The following SND1 variants were observed in gnomAD, a reference collection of about 807,000 sequenced individuals.
The protein encoded by SND1 is staphylococcal nuclease and tudor domain containing 1.
SND1 carries 38 observed loss-of-function variants against 121.7 expected under a neutral mutation model. The ratio of observed to expected loss-of-function variants is 0.31; its 90% CI spans 0.24 to 0.41. The LOEUF is 0.41. Among genes scored for constraint, SND1 ranks in the 10% least tolerant of loss-of-function variants. SND1 has a pLI of 1.00. For synonymous variants in SND1, 401 were observed against 447.4 expected (o/e 0.90, Z 1.31); for missense variants, 868 against 1,184.6 (o/e 0.73, Z 3.92).
intron 1 of SND1, among the ~76,000 whole-genome samples, chr7:127,683,954 A>G (rs1484432631): frequency 6.6e-6 from 1 of 152,208 alleles, no homozygotes; most frequent in Admixed American, 6.5e-5. Flanking sequence ...CATACAAAGG[A>G]GTTTTGCACA....
At chr7:127,780,052 C>T (rs895824398) in intron 10 of SND1, among the ~76,000 whole-genome samples, 2 of 152,120 alleles carry the variant, frequency 1.3e-5, no homozygotes, top group South Asian at 2.1e-4. Context: ...AGGTTTGATT[C>T]GTTTTTGTAT....
chr7:127,781,717 T>C (rs955377758), intron 10 of SND1, among the ~76,000 whole-genome samples: 13 of 152,246 alleles, frequency 8.5e-5, no homozygotes, highest in African/African-American at 2.9e-4. Flanking sequence ...GATGCTTATA[T>C]ATTTGATAGA....
chr7:127,918,055 C>CTTTTTTTT (rs11375840), intron 14 of SND1, among the ~76,000 whole-genome samples: 156 of 141,886 alleles, frequency 1.1e-3, no homozygotes, highest in Middle Eastern at 3.6e-3. Flanking sequence ...TAGATTTTTT[C>CTTTTTTTT]TTTTTTTTTT....
At chr7:127,858,992 T>G (rs930165276) in intron 12 of SND1, among the ~76,000 whole-genome samples, 1 of 152,174 alleles carries the variant, frequency 6.6e-6, no homozygotes, top group Admixed American at 6.6e-5. Flanking sequence ...TGAAAATGAC[T>G]CTCTGGGGCT....
intron 15 of SND1, among the ~76,000 whole-genome samples, chr7:127,981,679 G>T (rs1333429841): frequency 1.3e-5 from 2 of 152,172 alleles, no homozygotes; most frequent in East Asian, 3.8e-4. Context: ...GAGATTGTGT[G>T]GTGTCTAAAG....
chr7:128,061,598 T>G (rs1046096339), intron 16 of SND1, among the ~76,000 whole-genome samples: 1 of 152,202 alleles, frequency 6.6e-6, no homozygotes, highest in Admixed American at 6.5e-5. Context: ...CTGCGGCACA[T>G]TAGAGCTCCA....
chr7:128,051,938 G>A (rs1300094553), intron 16 of SND1, among the ~76,000 whole-genome samples: 1 of 152,246 alleles, frequency 6.6e-6, no homozygotes, highest in Non-Finnish European at 1.5e-5. Context: ...TGGATCAGAT[G>A]TGTTTCCAAT....
At chr7:128,041,456 T>A (rs1204347719) in intron 16 of SND1, among the ~76,000 whole-genome samples, 1 of 152,112 alleles carries the variant, frequency 6.6e-6, no homozygotes, top group Non-Finnish European at 1.5e-5. Context: ...GACTTGAGCT[T>A]CTTCAGGAGT....
At chr7:127,985,238 C>G (rs1369844112) in intron 15 of SND1, among the ~76,000 whole-genome samples, 1 of 152,148 alleles carries the variant, frequency 6.6e-6, no homozygotes, top group Middle Eastern at 3.2e-3. Flanking sequence ...TGTTAAGCCC[C>G]GTGATTGAGT....
At chr7:127,871,633 C>G (rs1467894674) in intron 12 of SND1, among the ~76,000 whole-genome samples, 1 of 152,050 alleles carries the variant, frequency 6.6e-6, no homozygotes, top group African/African-American at 2.4e-5. Flanking sequence ...TGTATCTTAT[C>G]ACTGAAAATA....
chr7:128,003,851 T>G (rs938864810), intron 16 of SND1, among the ~76,000 whole-genome samples: 2 of 152,096 alleles, frequency 1.3e-5, no homozygotes, highest in Non-Finnish European at 2.9e-5. Flanking sequence ...ACAGCCAAGC[T>G]CCCTACCTCT....
Position 127,904,826 on chromosome 7 carries a change from C to G in SND1, c.1527+7C>G, listed in dbSNP as rs778702887. On this transcript the variant is annotated splice_region_variant and intron_variant, in intron 14 of 23. Coordinates refer to ENST00000354725, the MANE Select transcript of SND1 (RefSeq NM_014390.4). Reference sequence around the variant, plus strand: ...TGTTGCAGATATATCTGGGGTGAGTCGAGTCCCTGAATCAAGCTGTGTGGC... The same window carrying G: ...TGTTGCAGATATATCTGGGGTGAGTGGAGTCCCTGAATCAAGCTGTGTGGC... 3.2e-6 allele frequency: 5 copies of G among 1,582,860 alleles called. No homozygotes were observed. The highest frequency in any genetic ancestry group is 4.3e-6 in the Non-Finnish European group (5 of 1,151,834).
intron 15 of SND1, 101 bp from the exon 16 acceptor site, chr7:127,990,846 G>A (rs1227480796): frequency 5.6e-6 from 4 of 718,072 alleles, no homozygotes; most frequent in African/African-American, 1.8e-5. Context: ...GAAGTTAGAT[G>A]TAACGCCTGC....
At chr7:127,868,381 CCAA>C (rs1307390007) in intron 12 of SND1, among the ~76,000 whole-genome samples, 1 of 152,120 alleles carries the variant, frequency 6.6e-6, no homozygotes, top group African/African-American at 2.4e-5. Flanking sequence ...CCAGACACTG[CCAA>C]CAACAACAAA....
rs763519148 is a variant in SND1 at position 128,089,522 on chromosome 7, G to A, written c.2452G>A (p.Val818Ile). The change falls in exon 22 of 24, where the codon GTT (valine) becomes ATT (isoleucine). Residue 818 changes from valine (V) to isoleucine (I), a missense_variant. By Grantham distance (29) the Val-to-Ile change is conservative. This residue lies in a region of SND1 where 743 missense variants were observed against 1,071.3 expected (regional missense o/e 0.69). Transcript: ENST00000354725. ...DARTDAVDSV[V>I]RDIQNTQCLL... ...CCGCACGGACGCCGTGGACAGCGTA[G>A]TTCGGGATATCCAGAACACTCAGTG... 2.5e-6 allele frequency: 4 copies of A among 1,614,102 alleles called. No individual in the cohort carries two copies.
Position 127,979,591 on chromosome 7 carries a change from G to A in SND1, c.1670-11356G>A, listed in dbSNP as rs564333774. On this transcript the variant is annotated intron_variant, in intron 15 of 23. Coordinates refer to ENST00000354725, the MANE Select transcript of SND1 (RefSeq NM_014390.4). ...GACTAAGATCAGAGCAGGTGATAGA[G>A]GCTAGGAGGGGGTTGTTTACTGAAA... Among the ~76,000 whole-genome samples, 119 of 152,286 alleles carry A rather than the reference G, an allele frequency of 7.8e-4. 1 individual carries two copies. Among genetic ancestry groups the A allele is most frequent in the Middle Eastern group, 3.4e-3 (1 of 294 alleles).
chr7:127,890,623 C>T (rs1195982205), intron 13 of SND1, among the ~76,000 whole-genome samples: 1 of 152,062 alleles, frequency 6.6e-6, no homozygotes, highest in Admixed American at 6.6e-5. Flanking sequence ...GGCAGGTAAG[C>T]ATGGAAATAA....
chr7:127,952,705 G>C (rs1354112465), intron 15 of SND1, among the ~76,000 whole-genome samples: 1 of 152,178 alleles, frequency 6.6e-6, no homozygotes, highest in African/African-American at 2.4e-5. Flanking sequence ...CTCTGAAGTT[G>C]CTTATCAAAA....
chr7:127,703,663 G>C (rs1356406155), intron 7 of SND1, among the ~76,000 whole-genome samples: 2 of 152,142 alleles, frequency 1.3e-5, no homozygotes, highest in East Asian at 1.9e-4. Context: ...AGTGAGCCGA[G>C]ATTGCACCAC....
Sources: gnomAD v4.1 joint callset for allele counts (sites outside exome capture counted in the v4.1 genomes callset) on GRCh38, gnomAD v4.1.1 for gene constraint, gnomAD v4.1.1 regional missense constraint, MANE v1.5 for transcripts, NCBI Gene and HGNC (gene_info 2026-07-23, HGNC 2026-07-21) for gene names.